The following KCNMB2 variants were observed in gnomAD, a reference collection of about 807,000 sequenced individuals.
KCNMB2 encodes the protein potassium calcium-activated channel subfamily M regulatory beta subunit 2.
A neutral mutation model predicts 24.5 loss-of-function variants in KCNMB2; 9 were observed. That is an observed-to-expected ratio of 0.37 (90% CI 0.22 to 0.64). KCNMB2 has a LOEUF of 0.64. Ranked by LOEUF, KCNMB2 falls within the 30% of genes least tolerant of loss-of-function variation. The pLI, the probability that KCNMB2 is intolerant of heterozygous loss-of-function variation, is 0.63. For missense variants in KCNMB2, 226 were observed against 284.3 expected (o/e 0.79, Z 1.47); for synonymous variants, 109 against 104.4 (o/e 1.04, Z -0.27).
intron 1 of KCNMB2, among the ~76,000 whole-genome samples, chr3:178,649,473 T>C (rs368452498): frequency 6.6e-6 from 1 of 150,748 alleles, no homozygotes; most frequent in African/African-American, 2.5e-5. Flanking sequence ...TTTGGTAGAA[T>C]TCGGCTGTGA....
chr3:178,585,875 T>G (rs188306570), intron 1 of KCNMB2, among the ~76,000 whole-genome samples: 1 of 152,354 alleles, frequency 6.6e-6, no homozygotes, highest in East Asian at 1.9e-4. Flanking sequence ...TAATGTGAGC[T>G]GATAATTTAG....
chr3:178,827,963 T>C (rs755197820), intron 3 of KCNMB2, among the ~76,000 whole-genome samples: 7 of 152,236 alleles, frequency 4.6e-5, no homozygotes, highest in African/African-American at 1.7e-4. Flanking sequence ...ATGGAAGTCA[T>C]TGAAAACGTT....
At chr3:178,586,330 GA>G (rs1344992989) in intron 1 of KCNMB2, among the ~76,000 whole-genome samples, 11 of 149,790 alleles carry the variant, frequency 7.3e-5, no homozygotes, top group East Asian at 1.9e-4. Context: ...CACTGGACAG[GA>G]AAAAAAAAGA....
intron 1 of KCNMB2, among the ~76,000 whole-genome samples, chr3:178,712,065 T>C (rs1405958092): frequency 6.6e-6 from 1 of 152,210 alleles, no homozygotes; most frequent in Non-Finnish European, 1.5e-5. Flanking sequence ...TTTTCTACTT[T>C]GATGTTGTGA....
intron 1 of KCNMB2, among the ~76,000 whole-genome samples, chr3:178,588,883 G>A (rs1717557867): frequency 6.6e-6 from 1 of 152,136 alleles, no homozygotes; most frequent in African/African-American, 2.4e-5. Context: ...TAATTTATGA[G>A]ATAATGGATA....
At chr3:178,595,485 A>T (rs1717834018) in intron 1 of KCNMB2, among the ~76,000 whole-genome samples, 1 of 151,886 alleles carries the variant, frequency 6.6e-6, no homozygotes, top group Non-Finnish European at 1.5e-5. Flanking sequence ...AGTTCCCATA[A>T]TCCCCATGTG....
chr3:178,567,236 AGT>A lies in KCNMB2; in HGVS notation c.-68+30538_-68+30539del, dbSNP rs144913151. On this transcript the variant is annotated intron_variant, in intron 1 of 4. Transcript: ENST00000452583. The stretch of plus-strand genomic sequence containing the variant: ...GTACACATGTGTGAGAGCGTGTGAG[AGT>A]GTGTGTGTGTGTCTAAATAGCTCAC... 4.0e-3 allele frequency among the ~76,000 whole-genome samples: 611 copies of A among 151,934 alleles called. 4 individuals carry two copies. Among genetic ancestry groups the A allele is most frequent in the African/African-American group, 0.014 (580 of 41,486 alleles).
chr3:178,566,357 T>C (rs970554039), intron 1 of KCNMB2, among the ~76,000 whole-genome samples: 1 of 152,200 alleles, frequency 6.6e-6, no homozygotes, highest in Non-Finnish European at 1.5e-5. Flanking sequence ...ATCACATCTG[T>C]AAAGTTCATT....
Position 178,549,840 on chromosome 3 carries a change from A to T in KCNMB2, c.-68+13129A>T, listed in dbSNP as rs74798065. The stretch of plus-strand genomic sequence containing the variant: ...ACTTTACCTAGAGTTTATCTAAATC[A>T]CATTACACTCTACCCTGGCTGGAAT... On this transcript the variant is annotated intron_variant, in intron 1 of 4. Coordinates refer to ENST00000452583, the MANE Select transcript of KCNMB2 (RefSeq NM_181361.3). Among the ~76,000 whole-genome samples the T allele has an allele frequency of 8.5e-3, 1,298 of 152,308 alleles. 27 individuals carry two copies. Among genetic ancestry groups the T allele is most frequent in the African/African-American group, 0.029 (1,215 of 41,562 alleles).
At chr3:178,677,811 T>C (rs560914638) in intron 1 of KCNMB2, among the ~76,000 whole-genome samples, 3 of 152,196 alleles carry the variant, frequency 2.0e-5, no homozygotes, top group Non-Finnish European at 4.4e-5. Flanking sequence ...GAATTTATAC[T>C]GAACAGGTTG....
intron 1 of KCNMB2, among the ~76,000 whole-genome samples, chr3:178,543,428 G>T (rs960278215): frequency 6.6e-6 from 1 of 152,168 alleles, no homozygotes; most frequent in Non-Finnish European, 1.5e-5. Context: ...AACTGACCAG[G>T]TGAATGCATG....
chr3:178,573,622 G>A (rs994439686), intron 1 of KCNMB2, among the ~76,000 whole-genome samples: 11 of 150,674 alleles, frequency 7.3e-5, no homozygotes, highest in African/African-American at 2.7e-4. Context: ...GGTGGTGCAT[G>A]CCTCAACTCA....
intron 1 of KCNMB2, among the ~76,000 whole-genome samples, chr3:178,550,527 T>G (rs73052492): frequency 0.012 from 1,773 of 150,050 alleles, 44 homozygotes; most frequent in African/African-American, 0.04. Context: ...TCCTTGAGGA[T>G]TATACATTAT....
chr3:178,813,367 T>C (rs922950144), intron 2 of KCNMB2, among the ~76,000 whole-genome samples: 1 of 152,190 alleles, frequency 6.6e-6, no homozygotes, highest in African/African-American at 2.4e-5. Flanking sequence ...ATTAGATTTA[T>C]ATTTAAGCAA....
intron 1 of KCNMB2, among the ~76,000 whole-genome samples, chr3:178,644,899 C>T (rs1177499581): frequency 3.3e-5 from 5 of 152,230 alleles, no homozygotes; most frequent in Middle Eastern, 3.4e-3. Flanking sequence ...CCAAACCGAA[C>T]TAGATTAGAT....
chr3:178,577,901 A>G (rs1717053932), intron 1 of KCNMB2, among the ~76,000 whole-genome samples: 2 of 152,218 alleles, frequency 1.3e-5, no homozygotes, highest in South Asian at 4.1e-4. Flanking sequence ...CCTACATTTG[A>G]TTGGTGTACC....
At chr3:178,757,918 C>CAAGAGGATACATATATATATCA (rs1724210332) in intron 1 of KCNMB2, among the ~76,000 whole-genome samples, 1 of 111,884 alleles carries the variant, frequency 8.9e-6, no homozygotes, top group Non-Finnish European at 1.9e-5. Flanking sequence ...TATATATATC[C>CAAGAGGATACATATATATATCA]AAGAGGATAT....
chr3:178,760,108 A>C (rs866912759), intron 1 of KCNMB2, among the ~76,000 whole-genome samples: 1 of 35,170 alleles, frequency 2.8e-5, no homozygotes, highest in Non-Finnish European at 4.8e-5. Context: ...ATATATATAT[A>C]TCCAAGAGGA....
intron 1 of KCNMB2, among the ~76,000 whole-genome samples, chr3:178,775,349 T>C (rs558784202): frequency 2.6e-5 from 4 of 152,292 alleles, no homozygotes; most frequent in African/African-American, 7.2e-5. Flanking sequence ...ACAAATGTTA[T>C]GTAAATAAAT....
Sources: gnomAD v4.1 joint callset for allele counts (sites outside exome capture counted in the v4.1 genomes callset) on GRCh38, gnomAD v4.1.1 for gene constraint, MANE v1.5 for transcripts, NCBI Gene and HGNC (gene_info 2026-07-23, HGNC 2026-07-21) for gene names.